The following POLN variants were observed in gnomAD, a reference collection of about 807,000 sequenced individuals.
POLN encodes DNA polymerase N.
POLN carries 108 observed loss-of-function variants against 113.5 expected under a neutral mutation model. The observed-to-expected ratio is 0.95, with a 90% CI of 0.81 to 1.12. The LOEUF (loss-of-function observed/expected upper bound fraction) is 1.12, where lower values mean the gene tolerates loss of function less well. Among genes scored for constraint, POLN ranks in the 50% most tolerant of loss-of-function variants. POLN has a pLI of 0.00. For missense variants in POLN, 1,097 were observed against 1,077.1 expected, an observed-to-expected ratio of 1.02 and a Z score of -0.26; for synonymous variants, 386 against 391.5, an observed-to-expected ratio of 0.99 and a Z score of 0.17.
intron 3 of POLN, among the ~76,000 whole-genome samples, chr4:2,225,209 C>T (rs1285198908): frequency 6.6e-6 from 1 of 151,440 alleles, no homozygotes; most frequent in Non-Finnish European, 1.5e-5. Flanking sequence ...GGAGAGGGTT[C>T]GACAAGCAAA....
At chr4:2,116,657 A>G (rs1212646237) in intron 19 of POLN, among the ~76,000 whole-genome samples, 1 of 152,202 alleles carries the variant, frequency 6.6e-6, no homozygotes, top group East Asian at 1.9e-4. Context: ...TTGCAAGGGC[A>G]AGTGGCCTGC....
chr4:2,081,233 G>A, intron 22 of POLN, 197 bp from the exon 23 acceptor site: 3 of 1,520,942 alleles, frequency 2.0e-6, no homozygotes, highest in Middle Eastern at 2.3e-4. Context: ...CTCCTGCAGG[G>A]CACCTGGGTT....
chr4:2,208,373 T>C lies in POLN; in HGVS notation c.328A>G (p.Ser110Gly). 2 of 1,613,634 alleles carry C rather than the reference T, an allele frequency of 1.2e-6. No homozygotes were observed. Among genetic ancestry groups the C allele is most frequent in the Non-Finnish European group, 1.7e-6 (2 of 1,179,948 alleles). The change falls in exon 5 of 26, where the codon AGC becomes GGC. Residue 110 changes from serine (S) to glycine (G), a missense_variant. Ser to Gly is a moderately conservative substitution (Grantham distance 56). Transcript: ENST00000511885. ...LSADQKQKSI[S>G]SLTLSSCLIP... Reference sequence around the variant, plus strand: ...AAACAACTTGAAAGAGTCAATGAGCTGATGCTCTTCTGTTTTTGGTCAGCA... The same window carrying C: ...AAACAACTTGAAAGAGTCAATGAGCCGATGCTCTTCTGTTTTTGGTCAGCA...
chr4:2,110,516 G>A (rs1474394662), intron 19 of POLN, among the ~76,000 whole-genome samples: 1 of 152,032 alleles, frequency 6.6e-6, no homozygotes, highest in African/African-American at 2.4e-5. Flanking sequence ...GAAGAAAAGA[G>A]AGAAGAATCA....
chr4:2,207,862 A>T, intron 5 of POLN, 125 bp downstream of exon 5: 1 of 1,087,734 alleles, frequency 9.2e-7, no homozygotes, highest in Non-Finnish European at 1.3e-6. Flanking sequence ...TCAATCACTT[A>T]CCACTGGAGG....
chr4:2,240,971 G>A, intron 2 of POLN: 1 of 1,540,654 alleles, frequency 6.5e-7, no homozygotes, highest in Non-Finnish European at 8.8e-7. Context: ...CAATTTTGTT[G>A]TATCTGATAT....
intron 16 of POLN, among the ~76,000 whole-genome samples, chr4:2,134,349 A>G (rs1731800554): frequency 6.6e-6 from 1 of 152,194 alleles, no homozygotes; most frequent in Non-Finnish European, 1.5e-5. Context: ...TGTGGACATA[A>G]GTTTTCAAAT....
intron 3 of POLN, among the ~76,000 whole-genome samples, chr4:2,224,053 T>C (rs937181079): frequency 3.9e-5 from 6 of 152,236 alleles, no homozygotes; most frequent in Admixed American, 3.9e-4. Context: ...AACTCTTTTA[T>C]AACATTTACC....
intron 3 of POLN, among the ~76,000 whole-genome samples, chr4:2,216,228 G>A (rs779807332): frequency 3.9e-5 from 6 of 152,204 alleles, no homozygotes; most frequent in Non-Finnish European, 8.8e-5. Context: ...ATTAAATGGC[G>A]TTCTTCCTGT....
At chr4:2,236,480 T>C (rs375351701) in intron 2 of POLN, 29 of 1,500,876 alleles carry the variant, frequency 1.9e-5, no homozygotes, top group Middle Eastern at 1.7e-4. Context: ...ATTAAAATTA[T>C]AGGGAAAAAT....
intron 2 of POLN, among the ~76,000 whole-genome samples, chr4:2,232,982 C>A (rs754090264): frequency 6.6e-5 from 10 of 152,102 alleles, no homozygotes; most frequent in African/African-American, 1.4e-4. Context: ...TCCTGTACCC[C>A]CCCACTAGAC....
intron 19 of POLN, among the ~76,000 whole-genome samples, chr4:2,119,371 C>G (rs149593921): frequency 6.6e-6 from 1 of 151,922 alleles, no homozygotes; most frequent in Non-Finnish European, 1.5e-5. Context: ...TCTTGGACCC[C>G]GAAGTGCATA....
rs890502930 is a variant in POLN, at chr4:2,093,877, A to C, written c.2065+1974T>G. ...AAGTGGAGCTGAGACCACCAAGTCC[A>C]CTAATTTGTTCCTGTGTCTTCTCTG... On this transcript the variant is annotated intron_variant, in intron 20 of 25. Transcript: ENST00000511885. The surrounding 1 kb of genome is among the most constrained non-coding windows in gnomAD (Gnocchi z 4.1). Among the ~76,000 whole-genome samples the C allele has an allele frequency of 2.0e-5, 3 of 152,218 alleles. No individual in the cohort carries two copies. Among genetic ancestry groups the C allele is most frequent in the Non-Finnish European group, 4.4e-5 (3 of 68,036 alleles).
intron 19 of POLN, among the ~76,000 whole-genome samples, chr4:2,125,555 C>T (rs1731557924): frequency 6.6e-6 from 1 of 152,118 alleles, no homozygotes; most frequent in Non-Finnish European, 1.5e-5. Flanking sequence ...GCTGCCACCA[C>T]CTTGCAACTT....
At chr4:2,080,174 G>A (rs975257825) in intron 23 of POLN, 7 of 986,330 alleles carry the variant, frequency 7.1e-6, no homozygotes, top group African/African-American at 3.5e-5. Flanking sequence ...CCCGCACAAG[G>A]AGAACGAGGA....
intron 6 of POLN, 86 bp downstream of exon 6, chr4:2,198,438 T>C (rs542953576): frequency 1.6e-6 from 2 of 1,242,164 alleles, no homozygotes; most frequent in South Asian, 3.9e-5. Context: ...AAGTTTAAAC[T>C]ATTAAAACTG....
At chr4:2,203,459 A>T (rs1165666623) in intron 5 of POLN, among the ~76,000 whole-genome samples, 2 of 151,928 alleles carry the variant, frequency 1.3e-5, no homozygotes, top group African/African-American at 4.8e-5. Flanking sequence ...TTGCTCCTAT[A>T]GTCCCAGCTA....
chr4:2,128,071 C>T, intron 19 of POLN, 42 bp downstream of exon 19: 6 of 1,279,624 alleles, frequency 4.7e-6, no homozygotes, highest in Non-Finnish European at 6.8e-6. Context: ...TCATGTTGGC[C>T]TTCCTGCAGA....
At chr4:2,181,814 C>A (rs558692951) in intron 7 of POLN, among the ~76,000 whole-genome samples, 1 of 152,036 alleles carries the variant, frequency 6.6e-6, no homozygotes, top group African/African-American at 2.4e-5. Context: ...TCTTGGCTAA[C>A]ACGGTGAAAC....
Sources: allele counts gnomAD v4.1 joint callset (sites outside exome capture counted in the v4.1 genomes callset), GRCh38; gene constraint gnomAD v4.1.1; non-coding constraint Gnocchi (gnomAD v3.1); transcripts MANE v1.5; gene names NCBI Gene and HGNC (gene_info 2026-07-23, HGNC 2026-07-21).